DLGAP2: variants seen among roughly 807,000 people sequenced by gnomAD.
The protein encoded by DLGAP2 is disks large-associated protein 2.
In DLGAP2, 26 loss-of-function variants were observed where a neutral mutation model predicts 100.3. The observed-to-expected ratio is 0.26, with a 90% confidence interval of 0.19 to 0.36. The LOEUF is 0.36. Among genes scored for constraint, DLGAP2 ranks in the 10% least tolerant of loss-of-function variants. The pLI is 1.00. For synonymous variants in DLGAP2, 886 were observed against 630.1 expected, an observed-to-expected ratio of 1.41 and a Z score of -6.08; for missense variants, 1,858 against 1,453.2, an observed-to-expected ratio of 1.28 and a Z score of -4.53.
intron 4 of DLGAP2, among the ~76,000 whole-genome samples, chr8:1,524,322 G>A (rs568355257): frequency 8.5e-5 from 13 of 152,264 alleles, no homozygotes; most frequent in South Asian, 2.1e-4. Flanking sequence ...GACCCTCACC[G>A]GTGCTGACTG....
intron 1 of DLGAP2, among the ~76,000 whole-genome samples, chr8:775,286 C>T (rs1164611133): frequency 3.9e-5 from 6 of 152,148 alleles, no homozygotes; most frequent in Non-Finnish European, 5.9e-5. Context: ...ACAATGATGT[C>T]GTCTGCAAAG....
intron 8 of DLGAP2, among the ~76,000 whole-genome samples, chr8:1,662,786 A>C (rs1443841472): frequency 1.4e-5 from 2 of 146,498 alleles, no homozygotes; most frequent in Non-Finnish European, 3.0e-5. Context: ...GTGTGTGTGT[A>C]CACACGTGTG....
At position 1,521,417 on chromosome 8, in the gene DLGAP2, CTTG is replaced by C. The variant is rs1263305751; in HGVS notation, c.172+19989_172+19991del. On this transcript the variant is annotated intron_variant, in intron 4 of 14. Transcript: ENST00000637795. ...ATATGGAGCGTCTCTGGTTTGCACA[CTTG>C]TTTTAATTTGGAATACTCGGGCGGC... Among the ~76,000 whole-genome samples the C allele has an allele frequency of 3.1e-4, 20 of 64,320 alleles. 2 individuals are homozygous for C. The highest frequency in any genetic ancestry group is 9.4e-4 in the African/African-American group (19 of 20,258). 42.2% of individuals were successfully genotyped at this position (64,320 alleles called of 152,430 possible).
At chr8:1,673,129 G>A (rs1221709412) in intron 10 of DLGAP2, among the ~76,000 whole-genome samples, 1 of 152,120 alleles carries the variant, frequency 6.6e-6, no homozygotes, top group African/African-American at 2.4e-5. Context: ...AAGAGATGAG[G>A]GCTTGCTGTG....
At chr8:1,156,571 C>G (rs116655163) in intron 2 of DLGAP2, among the ~76,000 whole-genome samples, 3,833 of 152,000 alleles carry the variant, frequency 0.025, 187 homozygotes, top group African/African-American at 0.087. Flanking sequence ...AGCTCAGCGC[C>G]CCTGCTCAGC....
chr8:1,513,268 T>C (rs1481304797), intron 4 of DLGAP2, among the ~76,000 whole-genome samples: 10 of 113,310 alleles, frequency 8.8e-5, no homozygotes, highest in Non-Finnish European at 7.4e-5. Flanking sequence ...ACAGGCCAGC[T>C]CCAGGGAGGC....
At chr8:1,274,114 T>A (rs1035315463) in intron 3 of DLGAP2, among the ~76,000 whole-genome samples, 1 of 152,096 alleles carries the variant, frequency 6.6e-6, no homozygotes, top group African/African-American at 2.4e-5. Flanking sequence ...GTCAGATTTT[T>A]TTACATTTAT....
intron 6 of DLGAP2, among the ~76,000 whole-genome samples, chr8:1,570,582 C>G (rs539179928): frequency 1.3e-5 from 2 of 152,190 alleles, no homozygotes; most frequent in African/African-American, 4.8e-5. Context: ...TAGGTGCAGA[C>G]GCTGTAATGC....
At chr8:1,216,238 T>A (rs1798210340) in intron 2 of DLGAP2, among the ~76,000 whole-genome samples, 1 of 152,246 alleles carries the variant, frequency 6.6e-6, no homozygotes, top group African/African-American at 2.4e-5. Context: ...TGAACTGAGG[T>A]CTCAATTACT....
chr8:927,072 C>T, intron 2 of DLGAP2: 1 of 985,406 alleles, frequency 1.0e-6, no homozygotes, highest in Non-Finnish European at 1.2e-6. Flanking sequence ...GGGAGAGATC[C>T]TCGTGGGAGG....
intron 2 of DLGAP2, among the ~76,000 whole-genome samples, chr8:1,256,314 C>G (rs1315675649): frequency 7.9e-6 from 1 of 126,756 alleles, no homozygotes; most frequent in Non-Finnish European, 1.6e-5. Flanking sequence ...TCTGTGTGTC[C>G]TCTCATCCTG....
chr8:1,695,336 G>A (rs369847801), intron 13 of DLGAP2, among the ~76,000 whole-genome samples: 2 of 136,892 alleles, frequency 1.5e-5, no homozygotes, highest in Admixed American at 7.3e-5. Context: ...AGCCATGCCC[G>A]GCCCTACAGA....
chr8:938,867 G>A (rs1799132578), intron 2 of DLGAP2, among the ~76,000 whole-genome samples: 1 of 152,230 alleles, frequency 6.6e-6, no homozygotes, highest in African/African-American at 2.4e-5. Flanking sequence ...GAGAGAAAAT[G>A]GCAGAAACTC....
intron 3 of DLGAP2, among the ~76,000 whole-genome samples, chr8:1,493,131 C>A (rs1010396400): frequency 6.6e-6 from 1 of 152,224 alleles, no homozygotes; most frequent in African/African-American, 2.4e-5. Context: ...CAGGTAGAAC[C>A]AGGCGGATCC....
At chr8:1,417,197 G>T (rs1796916813) in intron 3 of DLGAP2, among the ~76,000 whole-genome samples, 1 of 141,488 alleles carries the variant, frequency 7.1e-6, no homozygotes, top group Non-Finnish European at 1.5e-5. Flanking sequence ...TGAGGCGGGG[G>T]AGACTCTGAG....
At chr8:1,187,758 C>G (rs1230249327) in intron 2 of DLGAP2, among the ~76,000 whole-genome samples, 3 of 140,760 alleles carry the variant, frequency 2.1e-5, no homozygotes, top group Middle Eastern at 4.0e-3. Flanking sequence ...GTTTCCCTCA[C>G]GGAATCTCAC....
intron 1 of DLGAP2, among the ~76,000 whole-genome samples, chr8:895,820 AG>A (rs2128996501): frequency 7.2e-6 from 1 of 138,132 alleles, no homozygotes; most frequent in Admixed American, 7.4e-5. Context: ...GATAGTGGCT[AG>A]GTAGGTGTGG....
At chr8:1,548,034 T>A (rs1006612511) in intron 4 of DLGAP2, among the ~76,000 whole-genome samples, 1 of 152,166 alleles carries the variant, frequency 6.6e-6, no homozygotes, top group Non-Finnish European at 1.5e-5. Flanking sequence ...TCCCCCAAAT[T>A]GTTAATTTCC....
chr8:1,371,552 A>T (rs1299357045), intron 3 of DLGAP2, among the ~76,000 whole-genome samples: 1 of 152,210 alleles, frequency 6.6e-6, no homozygotes, highest in Non-Finnish European at 1.5e-5. Context: ...TCTTCTGCAG[A>T]ACTCTATTAT....
Sources: gnomAD v4.1 joint callset for allele counts (sites outside exome capture counted in the v4.1 genomes callset) on GRCh38, gnomAD v4.1.1 for gene constraint, MANE v1.5 for transcripts, NCBI Gene and HGNC (gene_info 2026-07-23, HGNC 2026-07-21) for gene names.